ADGRL2: variants seen among roughly 807,000 people sequenced by gnomAD.
ADGRL2 encodes the protein adhesion G protein-coupled receptor L2.
ADGRL2 carries 44 observed loss-of-function variants against 157.4 expected under a neutral mutation model. The observed-to-expected ratio is 0.28, with a 90% CI of 0.22 to 0.36. ADGRL2 has a LOEUF of 0.36. Among genes scored for constraint, ADGRL2 ranks in the 10% least tolerant of loss-of-function variants. ADGRL2 has a pLI of 1.00. For missense variants in ADGRL2, 1,510 were observed against 1,768.9 expected (o/e 0.85, Z 2.63); for synonymous variants, 585 against 624.7 (o/e 0.94, Z 0.95).
intron 3 of ADGRL2, among the ~76,000 whole-genome samples, chr1:81,602,531 G>A (rs1175256123): frequency 6.6e-6 from 1 of 152,108 alleles, no homozygotes; most frequent in Non-Finnish European, 1.5e-5. Flanking sequence ...AGCAGAGGTT[G>A]CAGTGAGCCG....
intron 1 of ADGRL2, among the ~76,000 whole-genome samples, chr1:81,310,930 T>C (rs891968232): frequency 2.0e-5 from 3 of 151,784 alleles, no homozygotes; most frequent in Non-Finnish European, 4.4e-5. Flanking sequence ...AAACATTCAA[T>C]GGAGTTAAAA....
chr1:81,896,166 T>C (rs998254681), intron 2 of ADGRL2, among the ~76,000 whole-genome samples: 2 of 152,186 alleles, frequency 1.3e-5, no homozygotes, highest in African/African-American at 2.4e-5. Flanking sequence ...ATTCTGTAAT[T>C]GTTTGCTAGT....
At chr1:81,865,844 A>G (rs1424599613) in intron 2 of ADGRL2, among the ~76,000 whole-genome samples, 2 of 152,262 alleles carry the variant, frequency 1.3e-5, no homozygotes, top group African/African-American at 2.4e-5. Context: ...AACAGTTTGT[A>G]TCTTCTAAGT....
At chr1:81,935,333 T>G (rs1241388701) in intron 3 of ADGRL2, among the ~76,000 whole-genome samples, 1 of 152,026 alleles carries the variant, frequency 6.6e-6, no homozygotes, top group Non-Finnish European at 1.5e-5. Flanking sequence ...TATACTCTAT[T>G]ATAATCATGA....
At chr1:81,359,427 G>A (rs971932523) in intron 1 of ADGRL2, among the ~76,000 whole-genome samples, 1 of 151,906 alleles carries the variant, frequency 6.6e-6, no homozygotes, top group African/African-American at 2.4e-5. Context: ...ATCCCTAGAG[G>A]TATATGGGAA....
intron 1 of ADGRL2, among the ~76,000 whole-genome samples, chr1:81,370,512 C>T (rs561560095): frequency 3.3e-5 from 5 of 152,184 alleles, no homozygotes; most frequent in Admixed American, 6.6e-5. Context: ...GAAATAAGTG[C>T]TATTGTTCCT....
chr1:81,969,905 A>G (rs764877840), intron 15 of ADGRL2, among the ~76,000 whole-genome samples: 1 of 152,188 alleles, frequency 6.6e-6, no homozygotes, highest in African/African-American at 2.4e-5. Flanking sequence ...TTAAAATTCC[A>G]TTATAGAAAA....
At chr1:81,797,741 T>A (rs1042108865), upstream of ADGRL2, among the ~76,000 whole-genome samples, 10 of 152,168 alleles carry the variant, frequency 6.6e-5, no homozygotes, top group African/African-American at 1.9e-4. Context: ...ACCAGAAATA[T>A]ATGAACCCAC....
chr1:81,358,776 G>T (rs556532383), intron 1 of ADGRL2, among the ~76,000 whole-genome samples: 1 of 152,062 alleles, frequency 6.6e-6, no homozygotes, highest in African/African-American at 2.4e-5. Context: ...TGAAACAGAT[G>T]AGTTATAATA....
chr1:81,746,189 T>G (rs1174949003), intron 1 of ADGRL2, among the ~76,000 whole-genome samples: 1 of 152,186 alleles, frequency 6.6e-6, no homozygotes, highest in Non-Finnish European at 1.5e-5. Context: ...TATGTGTGTA[T>G]TATATACTAA....
chr1:81,763,046 TAAA>T (rs748864220), intron 2 of ADGRL2, among the ~76,000 whole-genome samples: 2 of 73,764 alleles, frequency 2.7e-5, no homozygotes, highest in Non-Finnish European at 2.4e-5. Flanking sequence ...AGACTCCGTC[TAAA>T]AAAAAAAAAA....
At chr1:81,912,509 T>TA (rs770725434) in intron 3 of ADGRL2, among the ~76,000 whole-genome samples, 3 of 152,134 alleles carry the variant, frequency 2.0e-5, no homozygotes, top group Non-Finnish European at 2.9e-5. Flanking sequence ...GTTTGGCACT[T>TA]AAAGAGTAGT....
At chr1:81,798,160 A>G (rs2087686578), upstream of ADGRL2, among the ~76,000 whole-genome samples, 1 of 152,106 alleles carries the variant, frequency 6.6e-6, no homozygotes, top group African/African-American at 2.4e-5. Flanking sequence ...ATTTTTTTCT[A>G]CCATAACACC....
At chr1:81,536,955 G>T (rs751308478) in intron 2 of ADGRL2, among the ~76,000 whole-genome samples, 1 of 152,112 alleles carries the variant, frequency 6.6e-6, no homozygotes, top group Non-Finnish European at 1.5e-5. Flanking sequence ...GCAAATATAA[G>T]GTTCTCAGTA....
At chr1:81,761,957 T>C (rs954680093) in intron 2 of ADGRL2, 1 of 152,034 alleles carries the variant, frequency 6.6e-6, no homozygotes, top group Non-Finnish European at 1.5e-5. Flanking sequence ...TATTGAGTCA[T>C]CTGATAATTA....
chr1:81,926,519 G>A (rs534236622), intron 3 of ADGRL2, among the ~76,000 whole-genome samples: 3 of 151,942 alleles, frequency 2.0e-5, no homozygotes, highest in African/African-American at 4.8e-5. Flanking sequence ...TGTTAAAAAT[G>A]TGATAGTTTC....
intron 2 of ADGRL2, among the ~76,000 whole-genome samples, chr1:81,511,395 A>C (rs200915874): frequency 1.7e-5 from 2 of 118,790 alleles, no homozygotes; most frequent in Non-Finnish European, 1.7e-5. Context: ...AAAAAAAAAA[A>C]GCGCGCACAC....
At chr1:81,854,063 A>G (rs1375604968) in intron 2 of ADGRL2, among the ~76,000 whole-genome samples, 2 of 152,034 alleles carry the variant, frequency 1.3e-5, no homozygotes, top group East Asian at 3.8e-4. Context: ...TGGGCAGTGA[A>G]TTTTCTTAAT....
chr1:81,663,301 G>C (rs1374974182), intron 3 of ADGRL2, among the ~76,000 whole-genome samples: 4 of 151,950 alleles, frequency 2.6e-5, no homozygotes, highest in Non-Finnish European at 4.4e-5. Flanking sequence ...TTACCTGGGG[G>C]ACTTTGTCTG....
Sources: allele counts gnomAD v4.1 joint callset (sites outside exome capture counted in the v4.1 genomes callset), GRCh38; gene constraint gnomAD v4.1.1; transcripts MANE v1.5; gene names NCBI Gene and HGNC (gene_info 2026-07-23, HGNC 2026-07-21).